Variants in MED4 observed in about 807,000 individuals in gnomAD.
MED4 encodes mediator of RNA polymerase II transcription subunit 4.
A neutral mutation model predicts 35.0 loss-of-function variants in MED4; 21 were observed. The ratio of observed to expected loss-of-function variants is 0.60; its 90% CI spans 0.43 to 0.86. The LOEUF is 0.86. Among genes scored for constraint, MED4 ranks in the 40% least tolerant of loss-of-function variants. The pLI is 0.00. For missense variants in MED4, 300 were observed against 319.4 expected (o/e 0.94, Z 0.46); for synonymous variants, 138 against 114.0 (o/e 1.21, Z -1.34).
chr13:48,085,946 C>CAA (rs149104670), intron 3 of MED4, among the ~76,000 whole-genome samples: 2 of 121,362 alleles, frequency 1.6e-5, no homozygotes, highest in Non-Finnish European at 1.8e-5. Context: ...GATCAGAGAC[C>CAA]AAAAAAAAAA....
intron 1 of MED4, among the ~76,000 whole-genome samples, chr13:48,092,773 C>G (rs185782330): frequency 7.9e-5 from 12 of 152,284 alleles, no homozygotes; most frequent in Admixed American, 7.8e-4. Context: ...TTGAGAACCT[C>G]TGGTCTAAGT....
intron 1 of MED4, among the ~76,000 whole-genome samples, chr13:48,091,449 C>G (rs1950889341): frequency 6.6e-6 from 1 of 152,228 alleles, no homozygotes; most frequent in African/African-American, 2.4e-5. Context: ...TACTTTCTCA[C>G]TGGCTACCAG....
At chr13:48,087,045 CAA>C (rs77900700) in intron 2 of MED4, among the ~76,000 whole-genome samples, 2 of 125,584 alleles carry the variant, frequency 1.6e-5, no homozygotes, top group Non-Finnish European at 1.7e-5. Flanking sequence ...GACACTGTCT[CAA>C]AAAAAAAAAA....
chr13:48,094,996 T>G lies in MED4; in HGVS notation c.83A>C (p.Glu28Ala), dbSNP rs1950919008. Residue 28 changes from glutamate to alanine, a missense_variant, in exon 1 of 7, where the codon GAG becomes GCG. Coordinates refer to ENST00000258648, the MANE Select transcript of MED4 (RefSeq NM_014166.4). ...LGVAGGNSTR[E>A]RLLSALEDLE... ...GTCCTCAAGCGCAGACAGCAGCCGCTCTCGTGTGCTGTTACCACCCGCCAC... is the reference window on the plus strand; with the variant it reads ...GTCCTCAAGCGCAGACAGCAGCCGCGCTCGTGTGCTGTTACCACCCGCCAC... 1 of 1,603,846 alleles carries G rather than the reference T, an allele frequency of 6.2e-7. No individual in the cohort carries two copies. Among genetic ancestry groups the G allele is most frequent in the African/African-American group, 1.3e-5 (1 of 74,838 alleles).
intron 1 of MED4, among the ~76,000 whole-genome samples, chr13:48,091,770 A>T (rs939662622): frequency 6.6e-6 from 1 of 152,246 alleles, no homozygotes; most frequent in Non-Finnish European, 1.5e-5. Context: ...ACCTAGAGTG[A>T]TAAGGGTTGG....
chr13:48,083,554 T>C lies in MED4; in HGVS notation c.364-126A>G. On this transcript the variant is annotated intron_variant, in intron 3 of 6. Coordinates refer to ENST00000258648, the MANE Select transcript of MED4 (RefSeq NM_014166.4). ...TTTGAAACTTGGAAATCCCAACAAT[T>C]TATTTGTAATGTTCTGAAATACCAC... The C allele has an allele frequency of 4.7e-6, 3 of 632,290 alleles. No homozygotes were observed. The Admixed American group carries it at 9.9e-5, about 21-fold the overall frequency. 39.2% of individuals were successfully genotyped at this position (632,290 alleles called of 1,614,324 possible). A position where few individuals can be genotyped will look rare whatever the true frequency, so the allele number is the denominator to read the frequency against.
intron 4 of MED4, among the ~76,000 whole-genome samples, chr13:48,081,964 C>A (rs1405109813): frequency 6.6e-6 from 1 of 152,162 alleles, no homozygotes; most frequent in Non-Finnish European, 1.5e-5. Context: ...GAGATTAGCA[C>A]CATAGCACTC....
intron 5 of MED4, among the ~76,000 whole-genome samples, chr13:48,080,701 G>A (rs9567992): frequency 0.1 from 15,280 of 151,430 alleles, 864 homozygotes; most frequent in Middle Eastern, 0.19. Context: ...AGACAGAAAG[G>A]ACTGGAATGT....
At position 48,095,007 on chromosome 13, in the gene MED4, G is replaced by A. The variant is rs769701383; in HGVS notation, c.72C>T (p.Asn24=). 6.2e-7 allele frequency: 1 copy of A among 1,603,708 alleles called. No individual in the cohort carries two copies. Among genetic ancestry groups the A allele is most frequent in the South Asian group, 1.1e-5 (1 of 91,042 alleles). ...LGGGLGVAGG[N]STRERLLSAL... ...CAGACAGCAGCCGCTCTCGTGTGCTGTTACCACCCGCCACTCCCAAACCGC... is the reference window on the plus strand; with the variant it reads ...CAGACAGCAGCCGCTCTCGTGTGCTATTACCACCCGCCACTCCCAAACCGC... The change falls in exon 1 of 7, where the codon AAC becomes AAT. Residue 24 remains asparagine (N), a synonymous_variant. Coordinates refer to ENST00000258648, the MANE Select transcript of MED4 (RefSeq NM_014166.4).
At chr13:48,093,548 C>A (rs1358477117) in intron 1 of MED4, 1 of 467,616 alleles carries the variant, frequency 2.1e-6, no homozygotes, top group Admixed American at 2.4e-5. Flanking sequence ...ACATAACTAC[C>A]TCTGAGTGAA....
chr13:48,091,271 T>G (rs191851209), intron 1 of MED4, among the ~76,000 whole-genome samples: 1 of 152,204 alleles, frequency 6.6e-6, no homozygotes, highest in Non-Finnish European at 1.5e-5. Context: ...TTTCCCTGTA[T>G]GAAAATTAGT....
intron 1 of MED4, among the ~76,000 whole-genome samples, chr13:48,091,540 C>T (rs1382411876): frequency 6.6e-6 from 1 of 152,174 alleles, no homozygotes; most frequent in African/African-American, 2.4e-5. Flanking sequence ...TAGACCCAAC[C>T]CTTCCCACTA....
chr13:48,093,561 C>T (rs1566121664), intron 1 of MED4: 1 of 470,248 alleles, frequency 2.1e-6, no homozygotes, highest in Middle Eastern at 3.3e-4. Context: ...TGAGTGAACA[C>T]ATGAGACCTT....
At chr13:48,082,255 T>C (rs762048166) in intron 4 of MED4, among the ~76,000 whole-genome samples, 6 of 152,072 alleles carry the variant, frequency 3.9e-5, no homozygotes, top group Admixed American at 2.6e-4. Flanking sequence ...TATGTACATA[T>C]GTGTATTTGT....
At chr13:48,082,814 G>A (rs1183864511) in intron 4 of MED4, among the ~76,000 whole-genome samples, 2 of 140,856 alleles carry the variant, frequency 1.4e-5, no homozygotes, top group African/African-American at 2.8e-5. Context: ...GCGACAGAGC[G>A]AGACTCCGTC....
At chr13:48,088,772 C>CTGAA (rs1258504881) in intron 2 of MED4, among the ~76,000 whole-genome samples, 1 of 152,198 alleles carries the variant, frequency 6.6e-6, no homozygotes, top group Non-Finnish European at 1.5e-5. Context: ...GGAGGTTGAA[C>CTGAA]TGAACATCGT....
intron 2 of MED4, among the ~76,000 whole-genome samples, chr13:48,087,003 G>T (rs1016295724): frequency 6.6e-6 from 1 of 151,328 alleles, no homozygotes; most frequent in Non-Finnish European, 1.5e-5. Context: ...CCAAGATCAC[G>T]CCACTGCACT....
intron 4 of MED4, among the ~76,000 whole-genome samples, chr13:48,082,838 A>G (rs1049014545): frequency 1.3e-5 from 2 of 152,298 alleles, no homozygotes; most frequent in Admixed American, 6.5e-5. Flanking sequence ...AAAAAAAAAA[A>G]AAGGAGTATT....
rs1950759198 is a variant in MED4 at position 48,076,431 on chromosome 13, C to A, written c.*708G>T. ...TTTCAATTATTAAAAAAAATTATTT[C>A]TTCTAATAGGAATAGGCCTTTGAGA... On this transcript the variant is annotated 3_prime_UTR_variant, in exon 7 of 7. Coordinates refer to ENST00000258648, the MANE Select transcript of MED4 (RefSeq NM_014166.4). 2 of 151,998 alleles carry A rather than the reference C, an allele frequency of 1.3e-5. No individual in the cohort carries two copies. The highest frequency in any genetic ancestry group is 4.8e-5 in the African/African-American group (2 of 41,372). 9.4% of individuals were successfully genotyped at this position (151,998 alleles called of 1,614,324 possible).
Sources: allele counts gnomAD v4.1 joint callset (sites outside exome capture counted in the v4.1 genomes callset), GRCh38; gene constraint gnomAD v4.1.1; transcripts MANE v1.5; gene names NCBI Gene and HGNC (gene_info 2026-07-23, HGNC 2026-07-21).